The following NFATC1 variants were observed in gnomAD, a reference collection of about 807,000 sequenced individuals.
NFATC1 encodes the protein nuclear factor of activated T-cells, cytoplasmic 1.
In NFATC1, 22 loss-of-function variants were observed where a neutral mutation model predicts 76.0. That is an observed-to-expected ratio of 0.29 (90% CI 0.21 to 0.41). The LOEUF (loss-of-function observed/expected upper bound fraction) is 0.41. Among genes scored for constraint, NFATC1 ranks in the 10% least tolerant of loss-of-function variants. NFATC1 has a pLI of 1.00. For synonymous variants in NFATC1, 704 were observed against 613.1 expected (o/e 1.15, Z -2.19); for missense variants, 1,357 against 1,337.7 (o/e 1.01, Z -0.23).
At chr18:79,434,938 G>A (rs552294054) in intron 3 of NFATC1, among the ~76,000 whole-genome samples, 2 of 152,314 alleles carry the variant, frequency 1.3e-5, no homozygotes, top group South Asian at 2.1e-4. Flanking sequence ...AAGGAAATGC[G>A]GGAGACACCT....
At chr18:79,480,477 G>A (rs781621092) in intron 8 of NFATC1, among the ~76,000 whole-genome samples, 3 of 152,146 alleles carry the variant, frequency 2.0e-5, no homozygotes, top group Non-Finnish European at 4.4e-5. Context: ...TGCCACTGCC[G>A]GCCGCCAGCA....
intron 1 of NFATC1, among the ~76,000 whole-genome samples, chr18:79,407,596 C>T (rs934497991): frequency 3.3e-5 from 5 of 152,170 alleles, no homozygotes; most frequent in South Asian, 2.1e-4. Context: ...TACAGGCGTG[C>T]GCCACCATGC....
intron 7 of NFATC1, among the ~76,000 whole-genome samples, chr18:79,466,989 C>T (rs973487819): frequency 2.0e-5 from 3 of 152,262 alleles, no homozygotes; most frequent in Non-Finnish European, 4.4e-5. Context: ...TCCCCTTGCC[C>T]AGGTGGCCCC....
chr18:79,514,485 A>G (rs1375745231), intron 9 of NFATC1, among the ~76,000 whole-genome samples: 1 of 149,430 alleles, frequency 6.7e-6, no homozygotes, highest in Non-Finnish European at 1.5e-5. Context: ...AGGATCGCAT[A>G]AGCCTGGGAG....
chr18:79,433,908 C>T (rs1378339268), intron 3 of NFATC1, among the ~76,000 whole-genome samples, 170 bp downstream of exon 3: 1 of 152,258 alleles, frequency 6.6e-6, no homozygotes, highest in East Asian at 1.9e-4. Context: ...TGGGAGCATG[C>T]CACAGCTCCT....
At chr18:79,505,983 A>G (rs2090113564) in intron 9 of NFATC1, among the ~76,000 whole-genome samples, 1 of 152,158 alleles carries the variant, frequency 6.6e-6, no homozygotes, top group African/African-American at 2.4e-5. Flanking sequence ...TGGTGGCACA[A>G]CTGGGCACCT....
intron 2 of NFATC1, among the ~76,000 whole-genome samples, chr18:79,431,200 A>G (rs2086576960): frequency 6.6e-6 from 1 of 152,224 alleles, no homozygotes; most frequent in Admixed American, 6.5e-5. Context: ...GAGTTTTCAA[A>G]TTACTATGAA....
intron 1 of NFATC1, among the ~76,000 whole-genome samples, chr18:79,404,542 C>T (rs1371078701): frequency 3.3e-5 from 5 of 152,218 alleles, no homozygotes; most frequent in Admixed American, 3.3e-4. Context: ...CCACAGCAGA[C>T]TCCGTGGCTG....
intron 9 of NFATC1, among the ~76,000 whole-genome samples, chr18:79,516,441 TAAA>T (rs764323863): frequency 4.1e-4 from 62 of 152,348 alleles, no homozygotes; most frequent in Non-Finnish European, 7.5e-4. Context: ...TGCAGAATCG[TAAA>T]GAAGGGTTCT....
rs755428183 is a variant in NFATC1, at chr18:79,410,438, G to A, written c.163G>A (p.Ala55Thr). ...YGYASSNVSP[A>T]LPLPTAHSTL... ...CTATGCATCCTCCAACGTCAGCCCC[G>A]CCCTGCCGCTCCCCACGGCGCACTC... The change falls in exon 2 of 10, where the codon GCC becomes ACC. Residue 55 changes from alanine to threonine, a missense_variant. Around this residue, in one of 3 missense-constraint regions of NFATC1, gnomAD observed 691 missense variants for 613.1 expected, o/e 1.13. Transcript: ENST00000427363. This position sits in a 1 kb window ranked among gnomAD's most constrained non-coding sequence, Gnocchi z 6.7. 18 of 1,611,272 alleles carry A rather than the reference G, an allele frequency of 1.1e-5. No homozygotes were observed. The highest frequency in any genetic ancestry group is 1.4e-5 in the Non-Finnish European group (17 of 1,179,598).
intron 3 of NFATC1, among the ~76,000 whole-genome samples, chr18:79,444,150 A>G (rs1318727728): frequency 6.6e-6 from 1 of 152,202 alleles, no homozygotes; most frequent in East Asian, 1.9e-4. Context: ...CTTCCCAGAG[A>G]GCAGTGAGCT....
At chr18:79,452,881 C>T (rs2087533566) in intron 6 of NFATC1, among the ~76,000 whole-genome samples, 1 of 152,238 alleles carries the variant, frequency 6.6e-6, no homozygotes, top group Non-Finnish European at 1.5e-5. Flanking sequence ...TTCTTTTGCA[C>T]TTACTCCAAT....
intron 8 of NFATC1, among the ~76,000 whole-genome samples, chr18:79,482,892 TTCCAGCGTGACCTGGTCCTGGGGTGTCAC>T (rs2089342879): frequency 1.5e-5 from 2 of 135,882 alleles, no homozygotes; most frequent in African/African-American, 5.6e-5. Flanking sequence ...TGGGGTCTCA[TTCCAGCGTGACCTGGTCCTGGGGTGTCAC>T]TCCAGCGTGA....
chr18:79,482,872 A>G (rs1396847344), intron 8 of NFATC1, among the ~76,000 whole-genome samples: 1 of 124,008 alleles, frequency 8.1e-6, no homozygotes. Context: ...TTCCAGCGTG[A>G]CCTGGTTCCT....
At chr18:79,515,124 C>A (rs1458045211) in intron 9 of NFATC1, among the ~76,000 whole-genome samples, 1 of 152,006 alleles carries the variant, frequency 6.6e-6, no homozygotes, top group Non-Finnish European at 1.5e-5. Context: ...GCGGGCAGAT[C>A]ACTGTAGCTC....
chr18:79,427,805 CTG>C (rs2086432114), intron 2 of NFATC1, among the ~76,000 whole-genome samples: 1 of 7,156 alleles, frequency 1.4e-4, no homozygotes, highest in Non-Finnish European at 2.3e-4. Flanking sequence ...CAACTGCCCT[CTG>C]TGCAGGGGTC....
At chr18:79,461,938 G>T (rs897186914) in intron 7 of NFATC1, among the ~76,000 whole-genome samples, 1 of 152,230 alleles carries the variant, frequency 6.6e-6, no homozygotes, top group African/African-American at 2.4e-5. Flanking sequence ...TCCTGGACTC[G>T]CGATTGGCCA....
At chr18:79,399,196 T>A (rs1470654746) in intron 1 of NFATC1, among the ~76,000 whole-genome samples, 1 of 152,294 alleles carries the variant, frequency 6.6e-6, no homozygotes, top group East Asian at 1.9e-4. Flanking sequence ...CCAACATCCA[T>A]CCCAAAGTCA....
intron 4 of NFATC1, 67 bp downstream of exon 4, chr18:79,449,051 C>T: frequency 6.5e-7 from 1 of 1,527,062 alleles, no homozygotes; most frequent in Non-Finnish European, 8.9e-7. Flanking sequence ...CCCTCCCAGT[C>T]CCGGGGGGTC....
Sources: allele counts gnomAD v4.1 joint callset (sites outside exome capture counted in the v4.1 genomes callset), GRCh38; gene constraint gnomAD v4.1.1; regional missense constraint gnomAD v4.1.1; non-coding constraint Gnocchi (gnomAD v3.1); transcripts MANE v1.5; gene names NCBI Gene and HGNC (gene_info 2026-07-23, HGNC 2026-07-21).